Variants in PPHLN1 observed in about 807,000 individuals in gnomAD.
PPHLN1 encodes periphilin 1.
Under a neutral mutation model 51.3 loss-of-function variants are expected in PPHLN1, and 29 were observed. The observed-to-expected ratio is 0.57, with a 90% confidence interval of 0.42 to 0.77. The LOEUF (loss-of-function observed/expected upper bound fraction) is 0.77, where lower values mean the gene tolerates loss of function less well. Among genes scored for constraint, PPHLN1 ranks in the 30% least tolerant of loss-of-function variants. The pLI, the probability that PPHLN1 is intolerant of heterozygous loss-of-function variation, is 0.00. For missense variants in PPHLN1, 436 were observed against 438.4 expected (o/e 0.99, Z 0.05); for synonymous variants, 147 against 147.8 (o/e 0.99, Z 0.04).
intron 4 of PPHLN1, chr12:42,361,403 G>C (rs1305798723): frequency 6.6e-6 from 1 of 152,178 alleles, no homozygotes; most frequent in African/African-American, 2.4e-5. Flanking sequence ...GGGTTTTAAT[G>C]GGTGGTTAGC....
intron 5 of PPHLN1, among the ~76,000 whole-genome samples, chr12:42,380,874 A>G (rs962955458): frequency 6.6e-6 from 1 of 152,198 alleles, no homozygotes. Flanking sequence ...TGTGTTCAAT[A>G]CTTACATCTC....
At chr12:42,401,131 C>A (rs1478261361) in intron 9 of PPHLN1, among the ~76,000 whole-genome samples, 1 of 152,098 alleles carries the variant, frequency 6.6e-6, no homozygotes, top group Non-Finnish European at 1.5e-5. Flanking sequence ...GTACCAGTCA[C>A]CGTCAACCTT....
intron 9 of PPHLN1, among the ~76,000 whole-genome samples, chr12:42,425,046 G>GTAAA (rs1386742432): frequency 2.7e-5 from 4 of 148,264 alleles, no homozygotes; most frequent in African/African-American, 1.0e-4. Context: ...TTTTATGTAT[G>GTAAA]TATGTATGTA....
intron 9 of PPHLN1, among the ~76,000 whole-genome samples, chr12:42,404,942 G>A (rs1435488256): frequency 3.3e-5 from 5 of 151,756 alleles, no homozygotes; most frequent in Non-Finnish European, 7.4e-5. Flanking sequence ...CAGGAGAATC[G>A]CTTGAACCCA....
At chr12:42,340,503 C>G (rs1167423530) in intron 2 of PPHLN1, among the ~76,000 whole-genome samples, 1 of 152,098 alleles carries the variant, frequency 6.6e-6, no homozygotes, top group Non-Finnish European at 1.5e-5. Context: ...CAATGAGAAT[C>G]AATGGGCTAC....
rs71084642 is a variant in PPHLN1 at position 42,360,458 on chromosome 12, C to CTTTTTTTTTTTTTT, written c.299+5252_299+5265dup. On this transcript the variant is annotated intron_variant, in intron 4 of 9. Coordinates refer to ENST00000358314, the MANE Select transcript of PPHLN1 (RefSeq NM_201439.2). ...ACAGTTCCTGAAGTGATGCTGAATT[C>CTTTTTTTTTTTTTT]TTTTTTTTTTTTTTTTTTTTTTTTT... 6.8e-4 allele frequency among the ~76,000 whole-genome samples: 38 copies of CTTTTTTTTTTTTTT among 56,290 alleles called. 5 individuals carry two copies. Among genetic ancestry groups the CTTTTTTTTTTTTTT allele is most frequent in the East Asian group, 2.0e-3 (3 of 1,504 alleles). 36.9% of individuals were successfully genotyped at this position (56,290 alleles called of 152,430 possible). A position where few individuals can be genotyped will look rare whatever the true frequency, so the allele number is the denominator to read the frequency against.
At chr12:42,426,172 C>CCA (rs71084653) in intron 9 of PPHLN1, among the ~76,000 whole-genome samples, 10,891 of 121,822 alleles carry the variant, frequency 0.089, 572 homozygotes, top group African/African-American at 0.098. Flanking sequence ...AGACTTGACA[C>CCA]CACACACACA....
intron 9 of PPHLN1, among the ~76,000 whole-genome samples, chr12:42,436,561 A>G (rs2082503422): frequency 6.6e-6 from 1 of 152,122 alleles, no homozygotes; most frequent in Non-Finnish European, 1.5e-5. Context: ...CCTTCCACCT[A>G]TTACTCTTCA....
chr12:42,391,620 AC>A (rs1167966368), intron 7 of PPHLN1, among the ~76,000 whole-genome samples: 2 of 151,020 alleles, frequency 1.3e-5, no homozygotes. Flanking sequence ...ATGCCCCCTC[AC>A]CCCCTGGAAA....
chr12:42,383,599 C>T (rs2076936419), intron 5 of PPHLN1, among the ~76,000 whole-genome samples: 1 of 151,952 alleles, frequency 6.6e-6, no homozygotes, highest in Non-Finnish European at 1.5e-5. Context: ...AAGGGTTTGG[C>T]CAAAACAAAG....
chr12:42,335,786 T>C, intron 1 of PPHLN1, 97 bp from the exon 2 acceptor site: 4 of 550,472 alleles, frequency 7.3e-6, no homozygotes, highest in Non-Finnish European at 1.2e-5. Flanking sequence ...TTAAGATCTC[T>C]GGAAAATATT....
intron 9 of PPHLN1, among the ~76,000 whole-genome samples, chr12:42,420,162 C>T (rs2080857328): frequency 5.3e-5 from 8 of 152,108 alleles, no homozygotes; most frequent in Admixed American, 5.2e-4. Flanking sequence ...TTAGAGCTTT[C>T]CTGTCACACC....
intron 4 of PPHLN1, among the ~76,000 whole-genome samples, chr12:42,360,385 A>T: frequency 7.7e-6 from 1 of 130,184 alleles, no homozygotes; most frequent in Non-Finnish European, 1.6e-5. Context: ...GCGTTTCTTC[A>T]TTTCTTCATG....
chr12:42,362,844 G>T (rs1470191189), intron 4 of PPHLN1, among the ~76,000 whole-genome samples: 1 of 152,132 alleles, frequency 6.6e-6, no homozygotes, highest in Non-Finnish European at 1.5e-5. Context: ...GCAAGACCCT[G>T]GTCACTCATT....
rs533620321 is a variant in PPHLN1 at position 42,372,288 on chromosome 12, G to A, written c.300-2575G>A. ...GAGAAGAGACATTATTCTACTCTGA[G>A]CTATTGACATTTGACACTTGACATC... is the stretch of plus-strand genomic sequence containing the variant. On this transcript the variant is annotated intron_variant, in intron 4 of 9. Transcript: ENST00000358314. 2.0e-5 allele frequency among the ~76,000 whole-genome samples: 3 copies of A among 152,260 alleles called. No individual in the cohort carries two copies. In the East Asian group the frequency reaches 5.8e-4, roughly 29 times the overall value.
rs374778613 is a variant in PPHLN1 at position 42,436,472 on chromosome 12, T to C, written c.910-4843T>C. Among the ~76,000 whole-genome samples the C allele has an allele frequency of 9.8e-5, 15 of 152,380 alleles. No individual in the cohort carries two copies. The East Asian group carries it at 2.1e-3, about 22-fold the overall frequency. On this transcript the variant is annotated intron_variant, in intron 9 of 9. Coordinates refer to ENST00000358314, the MANE Select transcript of PPHLN1 (RefSeq NM_201439.2). ...ATGTACTTAACTTCCTATTGATAGT[T>C]GGTTCTGGTTGTCTCATGAGTGCCT...
intron 5 of PPHLN1, among the ~76,000 whole-genome samples, chr12:42,384,388 C>T (rs1040195266): frequency 5.3e-5 from 8 of 152,126 alleles, no homozygotes; most frequent in African/African-American, 1.7e-4. Context: ...AAGATGATTC[C>T]ATCCATGTCA....
chr12:42,345,758 C>A (rs1267823642), intron 2 of PPHLN1, among the ~76,000 whole-genome samples: 1 of 151,774 alleles, frequency 6.6e-6, no homozygotes, highest in East Asian at 1.9e-4. Flanking sequence ...AGAAATGTTT[C>A]AACTCCAATG....
chr12:42,369,163 A>T (rs959798214), intron 4 of PPHLN1, among the ~76,000 whole-genome samples: 3 of 152,190 alleles, frequency 2.0e-5, no homozygotes, highest in Non-Finnish European at 4.4e-5. Context: ...CTAAAATATT[A>T]TTTGGCTTTT....
Sources: gnomAD v4.1 joint callset for allele counts (sites outside exome capture counted in the v4.1 genomes callset) on GRCh38, gnomAD v4.1.1 for gene constraint, MANE v1.5 for transcripts, NCBI Gene and HGNC (gene_info 2026-07-23, HGNC 2026-07-21) for gene names.